ABL1: variants seen among roughly 807,000 people sequenced by gnomAD.
ABL1 encodes tyrosine-protein kinase ABL1.
A neutral mutation model predicts 94.7 loss-of-function variants in ABL1; 11 were observed. The observed-to-expected ratio is 0.12, with a 90% CI of 0.07 to 0.19. ABL1 has a LOEUF of 0.19. ABL1 is among the 10% of genes least tolerant of loss of function. The pLI is 1.00. For synonymous variants in ABL1, 656 were observed against 622.4 expected (o/e 1.05, Z -0.80); for missense variants, 1,082 against 1,489.4 (o/e 0.73, Z 4.50).
upstream of ABL1, among the ~76,000 whole-genome samples, chr9:130,830,319 A>T (rs540965051): frequency 6.6e-6 from 1 of 152,296 alleles, no homozygotes; most frequent in Admixed American, 6.5e-5. Flanking sequence ...CCAACAGAAA[A>T]ATCAGTGTCA....
chr9:130,817,938 C>G (rs1830310711), intron 1 of ABL1, among the ~76,000 whole-genome samples: 1 of 152,174 alleles, frequency 6.6e-6, no homozygotes, highest in South Asian at 2.1e-4. Flanking sequence ...CATAAGTTTT[C>G]ATTTCTCTTC....
At chr9:130,794,255 G>C (rs562970134) in intron 1 of ABL1, among the ~76,000 whole-genome samples, 2 of 152,028 alleles carry the variant, frequency 1.3e-5, no homozygotes, top group African/African-American at 4.8e-5. Flanking sequence ...TGAATTAAAC[G>C]TTGCAAACTG....
chr9:130,800,551 C>G (rs542978537), intron 1 of ABL1, among the ~76,000 whole-genome samples: 7 of 152,254 alleles, frequency 4.6e-5, no homozygotes, highest in African/African-American at 1.7e-4. Flanking sequence ...TTCCCTCAGC[C>G]TCTGGCCCCA....
intron 1 of ABL1, among the ~76,000 whole-genome samples, chr9:130,797,373 GTTTGTTTTGTT>G (rs1829993697): frequency 6.7e-6 from 1 of 149,604 alleles, no homozygotes; most frequent in African/African-American, 2.5e-5. Context: ...GATACTTTTT[GTTTGTTTTGTT>G]TTTGTTTTGA....
chr9:130,850,778 A>G (rs1830844323), intron 1 of ABL1, among the ~76,000 whole-genome samples: 1 of 152,176 alleles, frequency 6.6e-6, no homozygotes, highest in East Asian at 1.9e-4. Context: ...AAGTGCTGGG[A>G]TAACAGGCAT....
rs1477797088 is a variant in ABL1 at position 130,835,725 on chromosome 9, T to C, written c.79+200T>C. 6.6e-6 allele frequency among the ~76,000 whole-genome samples: 1 copy of C among 151,240 alleles called. No homozygotes were observed. The highest frequency in any genetic ancestry group is 1.5e-5 in the Non-Finnish European group (1 of 67,836). Reference sequence around the variant, plus strand: ...CTCTTTCTTTCTCTCTGTGTCTGTCTCTTTTCTCTTCTCTTGTCTCTCTCT... The same window carrying C: ...CTCTTTCTTTCTCTCTGTGTCTGTCCCTTTTCTCTTCTCTTGTCTCTCTCT... On this transcript the variant is annotated intron_variant, in intron 1 of 10. Coordinates refer to ENST00000318560, the MANE Select transcript of ABL1 (RefSeq NM_005157.6). The surrounding 1 kb of genome is among the most constrained non-coding windows in gnomAD (Gnocchi z 4.6).
At chr9:130,797,152 C>T (rs1829986074) in intron 1 of ABL1, among the ~76,000 whole-genome samples, 1 of 140,584 alleles carries the variant, frequency 7.1e-6, no homozygotes, top group Non-Finnish European at 1.5e-5. Flanking sequence ...AGGAGAATCG[C>T]TTGAACCCAG....
chr9:130,822,909 TG>T (rs1040273336), intron 1 of ABL1, among the ~76,000 whole-genome samples: 1 of 152,082 alleles, frequency 6.6e-6, no homozygotes, highest in Non-Finnish European at 1.5e-5. Context: ...GCGATTCTTC[TG>T]CCTCAGCATC....
At chr9:130,768,520 C>T (rs1406712209) in intron 1 of ABL1, among the ~76,000 whole-genome samples, 2 of 152,152 alleles carry the variant, frequency 1.3e-5, no homozygotes, top group African/African-American at 2.4e-5. Context: ...TGAAAGGCCT[C>T]CCCAGAGCCC....
chr9:130,826,623 A>G (rs1830428965), intron 1 of ABL1, among the ~76,000 whole-genome samples: 1 of 152,172 alleles, frequency 6.6e-6, no homozygotes, highest in Non-Finnish European at 1.5e-5. Context: ...AATTAGAGAC[A>G]TTAGTACCAC....
At position 130,885,209 on chromosome 9, in the gene ABL1, G is replaced by T. The variant is rs766424897; in HGVS notation, c.2919G>T (p.Gly973=). Residue 973 remains glycine, a synonymous_variant, in exon 11 of 11, where the codon GGG becomes GGT. Coordinates refer to ENST00000318560, the MANE Select transcript of ABL1 (RefSeq NM_005157.6). ...AGCCACAGTCCGCCAAGCCGTCGGG[G>T]ACCCCCATCAGCCCAGCCCCCGTTC... ...TPKPQSAKPS[G]TPISPAPVPS... The T allele has an allele frequency of 1.2e-6, 2 of 1,613,506 alleles. No homozygotes were observed. The highest frequency in any genetic ancestry group is 1.7e-5 in the Admixed American group (1 of 60,010).
At chr9:130,876,384 A>G (rs986551460) in intron 7 of ABL1, among the ~76,000 whole-genome samples, 27 of 150,004 alleles carry the variant, frequency 1.8e-4, no homozygotes, top group African/African-American at 5.7e-4. Context: ...TTTATTTACC[A>G]GTTTTTAAAA....
At chr9:130,797,337 ATAAT>A (rs577293889) in intron 1 of ABL1, among the ~76,000 whole-genome samples, 112 of 149,398 alleles carry the variant, frequency 7.5e-4, no homozygotes, top group Non-Finnish European at 4.4e-5. Flanking sequence ...AACTTAGCTT[ATAAT>A]TAATTATATT....
At chr9:130,799,707 CTTATT>C (rs1310811812) in intron 1 of ABL1, among the ~76,000 whole-genome samples, 2 of 152,030 alleles carry the variant, frequency 1.3e-5, no homozygotes, top group African/African-American at 4.8e-5. Context: ...AAGTGTGTAA[CTTATT>C]TTATAAGTAC....
intron 1 of ABL1, among the ~76,000 whole-genome samples, chr9:130,847,968 T>C (rs1013550937): frequency 6.6e-6 from 1 of 152,228 alleles, no homozygotes; most frequent in Non-Finnish European, 1.5e-5. Context: ...ATTATGTAAC[T>C]TTGATCAAAT....
upstream of ABL1, chr9:130,834,831 C>T (rs772886144): frequency 1.8e-5 from 8 of 452,062 alleles, no homozygotes; most frequent in Non-Finnish European, 3.6e-5. Flanking sequence ...GAAATGAGAC[C>T]AGTTAGTATT....
rs1251924794 is a variant in ABL1, at chr9:130,862,576, C to G, written c.550-187C>G. 6.6e-6 allele frequency among the ~76,000 whole-genome samples: 1 copy of G among 152,104 alleles called. No homozygotes were observed. Among genetic ancestry groups the G allele is most frequent in the African/African-American group, 2.4e-5 (1 of 41,424 alleles). Reference sequence around the variant, plus strand: ...CTTTTATTGTGTCTTTTTGCTTGAGCGAGTAACTTAGAGCACACGTAGAGA... The same window carrying G: ...CTTTTATTGTGTCTTTTTGCTTGAGGGAGTAACTTAGAGCACACGTAGAGA... On this transcript the variant is annotated intron_variant, in intron 3 of 10. Transcript: ENST00000318560. The surrounding 1 kb of genome is among the most constrained non-coding windows in gnomAD (Gnocchi z 5.5).
chr9:130,822,366 A>G (rs527680189), intron 1 of ABL1, among the ~76,000 whole-genome samples: 1 of 151,530 alleles, frequency 6.6e-6, no homozygotes, highest in African/African-American at 2.4e-5. Context: ...CCCACCAGCA[A>G]TGTGTGAGTG....
intron 1 of ABL1, among the ~76,000 whole-genome samples, chr9:130,824,349 C>T (rs1027744747): frequency 7.9e-5 from 12 of 152,100 alleles, no homozygotes; most frequent in African/African-American, 2.7e-4. Context: ...TCCAACCTTC[C>T]TTTTTCTGTT....
Sources: gnomAD v4.1 joint callset for allele counts (sites outside exome capture counted in the v4.1 genomes callset) on GRCh38, gnomAD v4.1.1 for gene constraint, Gnocchi (gnomAD v3.1) non-coding constraint, MANE v1.5 for transcripts, NCBI Gene and HGNC (gene_info 2026-07-23, HGNC 2026-07-21) for gene names.